The following PAK6 variants were observed in gnomAD, a reference collection of about 807,000 sequenced individuals.
The protein encoded by PAK6 is p21 (RAC1) activated kinase 6.
PAK6 carries 33 observed loss-of-function variants against 60.8 expected under a neutral mutation model. That is an observed-to-expected ratio of 0.54 (90% CI 0.41 to 0.73). PAK6 has a LOEUF of 0.73. Among genes scored for constraint, PAK6 ranks in the 30% least tolerant of loss-of-function variants. The pLI is 0.00. For missense variants in PAK6, 845 were observed against 904.1 expected (o/e 0.93, Z 0.84); for synonymous variants, 404 against 378.5 (o/e 1.07, Z -0.78).
chr15:40,255,006 T>C (rs534743252), intron 3 of PAK6, among the ~76,000 whole-genome samples: 3 of 151,688 alleles, frequency 2.0e-5, no homozygotes, highest in Non-Finnish European at 4.4e-5. Context: ...GTTAAGGAGG[T>C]GAAATAGAGG....
upstream of PAK6, chr15:40,239,368 A>T (rs2038253321): frequency 6.6e-6 from 1 of 152,522 alleles, no homozygotes; most frequent in Admixed American, 6.5e-5. Context: ...GCCCACTAGC[A>T]CTGAGTCACC....
At position 40,252,376 on chromosome 15, in the gene PAK6, C is replaced by T. The variant is rs546368665; in HGVS notation, c.-117-802C>T. On this transcript the variant is annotated intron_variant, in intron 2 of 10. Transcript: ENST00000560346. The stretch of plus-strand genomic sequence containing the variant: ...CCGCGGCTGTGGCCAGGCCAGGGCC[C>T]GGAGGCGAAGGGCGGGCGGGAACTG... 6 of 1,318,928 alleles carry T rather than the reference C, an allele frequency of 4.5e-6. No homozygotes were observed. In the African/African-American group the frequency reaches 6.0e-5, roughly 13 times the overall value. 81.7% of individuals were successfully genotyped at this position (1,318,928 alleles called of 1,614,324 possible).
chr15:40,257,676 C>A (rs34099104), intron 3 of PAK6, among the ~76,000 whole-genome samples: 18,358 of 152,224 alleles, frequency 0.12, 1,287 homozygotes, highest in African/African-American at 0.18. Context: ...TGAGGTTTAA[C>A]GGCAGGCATC....
At chr15:40,241,308 C>T (rs1235225800) in intron 2 of PAK6, among the ~76,000 whole-genome samples, 1 of 152,146 alleles carries the variant, frequency 6.6e-6, no homozygotes, top group Non-Finnish European at 1.5e-5. Context: ...TTATCCTTTC[C>T]CTGGCATTGT....
At chr15:40,272,913 C>T (rs770095669) in exon 7 of PAK6, 11 of 1,614,088 alleles carry the variant, frequency 6.8e-6, no homozygotes, top group Non-Finnish European at 9.3e-6. Flanking sequence ...TGGAGATGTA[C>T]AAGAGCTACC....
chr15:40,251,782 C>T lies in PAK6; in HGVS notation c.-117-1396C>T, dbSNP rs2038676192. The T allele has an allele frequency of 2.0e-5, 3 of 152,528 alleles. No homozygotes were observed. In the South Asian group the frequency reaches 6.2e-4, roughly 32 times the overall value. 9.4% of individuals were successfully genotyped at this position (152,528 alleles called of 1,614,324 possible). On this transcript the variant is annotated intron_variant, in intron 2 of 10. Coordinates refer to ENST00000560346, the Ensembl canonical transcript of PAK6. The stretch of plus-strand genomic sequence containing the variant: ...TGGGGAAGAGATGAGTGATTCCTGT[C>T]CCTTCCCCCAGTATAGAAAACACCC...
At chr15:40,260,441 T>C (rs911658707) in intron 3 of PAK6, 1 of 152,228 alleles carries the variant, frequency 6.6e-6, no homozygotes, top group Non-Finnish European at 1.5e-5. Context: ...TTGGATTCTC[T>C]CTTCTGTTCC....
chr15:40,243,191 AC>A (rs960971624), intron 2 of PAK6, among the ~76,000 whole-genome samples: 1 of 152,250 alleles, frequency 6.6e-6, no homozygotes, highest in Non-Finnish European at 1.5e-5. Flanking sequence ...ATAAAGATGG[AC>A]AAAAAAGATA....
exon 11 of PAK6, chr15:40,276,174 C>A: frequency 1.5e-6 from 2 of 1,301,608 alleles, no homozygotes; most frequent in Non-Finnish European, 2.2e-6. Context: ...GACTTGCCTG[C>A]CTCCTCCTCT....
At chr15:40,270,668 G>C (rs1026164154) in intron 5 of PAK6, among the ~76,000 whole-genome samples, 9 of 152,248 alleles carry the variant, frequency 5.9e-5, no homozygotes, top group African/African-American at 2.2e-4. Flanking sequence ...GGACATGGGA[G>C]AATGTTTACT....
rs565348776 is a variant in PAK6 at position 40,265,621 on chromosome 15, C to T, written c.205-221C>T. ...TGGCACTCACCATCTGCTCTGCTGA[C>T]GCTGGGCCTTCTCCCCGCATCCCTG... On this transcript the variant is annotated intron_variant, in intron 4 of 10. Coordinates refer to ENST00000560346, the Ensembl canonical transcript of PAK6. 1.7e-4 allele frequency among the ~76,000 whole-genome samples: 26 copies of T among 152,376 alleles called. No individual in the cohort carries two copies. In the South Asian group the frequency reaches 2.9e-3, roughly 17 times the overall value.
At chr15:40,240,985 T>C (rs2038313674) in intron 2 of PAK6, among the ~76,000 whole-genome samples, 1 of 152,218 alleles carries the variant, frequency 6.6e-6, no homozygotes, top group Non-Finnish European at 1.5e-5. Flanking sequence ...CCTCTCACTT[T>C]ACCACCTCTG....
At chr15:40,276,749 C>CGTGTGTGCGTGTGT (rs371193727) in exon 11 of PAK6, 4 of 134,436 alleles carry the variant, frequency 3.0e-5, no homozygotes, top group Non-Finnish European at 6.4e-5. Context: ...GAGAGAACAT[C>CGTGTGTGCGTGTGT]GTGTGTGTGT....
intron 7 of PAK6, 134 bp downstream of exon 7, chr15:40,273,133 A>C: frequency 7.9e-7 from 1 of 1,259,910 alleles, no homozygotes; most frequent in Non-Finnish European, 1.1e-6. Flanking sequence ...GGTAACTGAG[A>C]CCCAGGGGTC....
At chr15:40,275,852 T>C in intron 10 of PAK6, 75 bp from the exon 11 acceptor site, 1 of 1,387,710 alleles carries the variant, frequency 7.2e-7, no homozygotes, top group South Asian at 1.2e-5. Context: ...TTTCAAACAA[T>C]GATAAGTCCA....
At chr15:40,274,769 T>A (rs2039403063) in intron 10 of PAK6, among the ~76,000 whole-genome samples, 1 of 152,154 alleles carries the variant, frequency 6.6e-6, no homozygotes, top group Non-Finnish European at 1.5e-5. Flanking sequence ...TTAAAGCCAG[T>A]ATAAGTGCAT....
Position 40,252,863 on chromosome 15 carries a change from G to A in PAK6, c.-117-315G>A, listed in dbSNP as rs2038724276. 3.2e-6 allele frequency: 4 copies of A among 1,254,232 alleles called. No individual in the cohort carries two copies. In the South Asian group the frequency reaches 5.2e-5, roughly 16 times the overall value. The allele number at this position is 1,254,232 out of a possible 1,614,324, so 77.7% of individuals were successfully genotyped here. On this transcript the variant is annotated intron_variant, in intron 2 of 10. Coordinates refer to ENST00000560346, the Ensembl canonical transcript of PAK6. ...CGTCCCTGGAGCGGGACCTCCCTCC[G>A]CGGGCGCCCGCCCGGCGCGGGGCAT... is the stretch of plus-strand genomic sequence containing the variant.
At chr15:40,256,312 G>T (rs935135838) in intron 3 of PAK6, among the ~76,000 whole-genome samples, 10 of 152,192 alleles carry the variant, frequency 6.6e-5, no homozygotes. Context: ...CCAGTGAAAG[G>T]CTGTCTTCTG....
chr15:40,267,719 G>A (rs2039185389), intron 5 of PAK6, among the ~76,000 whole-genome samples: 1 of 152,186 alleles, frequency 6.6e-6, no homozygotes, highest in Non-Finnish European at 1.5e-5. Context: ...CTAGGTTAAA[G>A]GACAGTGGGT....
Sources: gnomAD v4.1 joint callset for allele counts (sites outside exome capture counted in the v4.1 genomes callset) on GRCh38, gnomAD v4.1.1 for gene constraint, MANE v1.5 for transcripts, NCBI Gene and HGNC (gene_info 2026-07-23, HGNC 2026-07-21) for gene names.